Variants in NARS2 observed in about 807,000 individuals in gnomAD.
The protein encoded by NARS2 is asparaginyl-tRNA synthetase.
Under a neutral mutation model 62.9 loss-of-function variants are expected in NARS2, and 60 were observed. The ratio of observed to expected loss-of-function variants is 0.95; its 90% CI spans 0.77 to 1.18. The LOEUF (loss-of-function observed/expected upper bound fraction) is 1.18, where lower values mean the gene tolerates loss of function less well. NARS2 is among the 50% of genes most tolerant of loss of function. NARS2 has a pLI of 0.00. For missense variants in NARS2, 619 were observed against 576.4 expected (o/e 1.07, Z -0.76); for synonymous variants, 196 against 200.0 (o/e 0.98, Z 0.17).
chr11:78,513,186 G>A (rs1262865361), intron 6 of NARS2, among the ~76,000 whole-genome samples: 1 of 151,726 alleles, frequency 6.6e-6, no homozygotes, highest in Non-Finnish European at 1.5e-5. Context: ...GGAGGCAGAA[G>A]TTGCAGTGAG....
chr11:78,574,349 T>C lies in NARS2; in HGVS notation c.140A>G (p.Gln47Arg), dbSNP rs755035443. ...CCCACTCCCTTCCCATTCACCAACC[T>C]GGATCTTAATGCGCTCCCCACTCGC... The part of the protein sequence containing the change: ...QNASGERIKI[Q>R]GWIRSVRSQK... Residue 47 changes from glutamine to arginine, a missense_variant and splice_region_variant, in exon 1 of 14, where the codon CAG becomes CGG. By Grantham distance (43) the Gln-to-Arg change is conservative (BLOSUM62 1). Transcript: ENST00000281038. The C allele has an allele frequency of 1.2e-6, 2 of 1,614,068 alleles. No individual in the cohort carries two copies. Among genetic ancestry groups the C allele is most frequent in the South Asian group, 2.2e-5 (2 of 91,092 alleles).
intron 5 of NARS2, among the ~76,000 whole-genome samples, chr11:78,549,065 G>C (rs1855987533): frequency 6.6e-6 from 1 of 152,214 alleles, no homozygotes; most frequent in South Asian, 2.1e-4. Flanking sequence ...GCCACCTGTA[G>C]CTGAGGCTAA....
intron 13 of NARS2, among the ~76,000 whole-genome samples, chr11:78,439,036 G>GTAT (rs1442714600): frequency 6.6e-6 from 1 of 151,118 alleles, no homozygotes; most frequent in Non-Finnish European, 1.5e-5. Flanking sequence ...GGTGCAGTCT[G>GTAT]TATTTAGCTT....
intron 6 of NARS2, among the ~76,000 whole-genome samples, chr11:78,506,498 T>C (rs1860503871): frequency 2.0e-5 from 3 of 152,208 alleles, no homozygotes; most frequent in Admixed American, 1.3e-4. Context: ...GGAATCTGTC[T>C]ACCCACCTAG....
chr11:78,554,287 T>C (rs2135500800), intron 5 of NARS2, among the ~76,000 whole-genome samples: 1 of 152,302 alleles, frequency 6.6e-6, no homozygotes, highest in Admixed American at 6.5e-5. Flanking sequence ...TTTTTTCTAG[T>C]TCTGTGAGGA....
chr11:78,521,017 C>T (rs1271179782), intron 6 of NARS2, among the ~76,000 whole-genome samples: 1 of 149,586 alleles, frequency 6.7e-6, no homozygotes, highest in East Asian at 2.0e-4. Flanking sequence ...GAGGTCAGTG[C>T]CACTGCACTC....
intron 6 of NARS2, among the ~76,000 whole-genome samples, chr11:78,522,134 T>C (rs1284250242): frequency 6.6e-6 from 1 of 151,100 alleles, no homozygotes; most frequent in African/African-American, 2.5e-5. Flanking sequence ...TTTTTTTTTT[T>C]TTTTGGTAGA....
intron 7 of NARS2, among the ~76,000 whole-genome samples, chr11:78,486,766 A>C (rs1859592920): frequency 6.6e-6 from 1 of 152,214 alleles, no homozygotes; most frequent in Non-Finnish European, 1.5e-5. Context: ...ATGAGAAAAA[A>C]TAACCAACAG....
At chr11:78,488,230 C>G (rs992013748) in intron 7 of NARS2, among the ~76,000 whole-genome samples, 1 of 118,636 alleles carries the variant, frequency 8.4e-6, no homozygotes, top group African/African-American at 4.6e-5. Flanking sequence ...GTTAGCCTAC[C>G]TGGTAAAAAA....
At chr11:78,438,851 AAGGT>A (rs1857490809) in intron 13 of NARS2, among the ~76,000 whole-genome samples, 2 of 152,212 alleles carry the variant, frequency 1.3e-5, no homozygotes, top group Non-Finnish European at 2.9e-5. Context: ...GAAGATGTCT[AAGGT>A]CTCTTTTACC....
chr11:78,458,106 G>A (rs1858239276), intron 11 of NARS2, among the ~76,000 whole-genome samples: 1 of 152,070 alleles, frequency 6.6e-6, no homozygotes, highest in Non-Finnish European at 1.5e-5. Flanking sequence ...TTTCAAAAAG[G>A]TGGATGAGAG....
chr11:78,443,464 T>C (rs1857643598), intron 12 of NARS2, among the ~76,000 whole-genome samples, 197 bp downstream of exon 12: 1 of 152,208 alleles, frequency 6.6e-6, no homozygotes, highest in South Asian at 2.1e-4. Context: ...TGTGGGTTTT[T>C]CATGTAAGAG....
At chr11:78,565,832 T>C (rs930137195) in intron 4 of NARS2, among the ~76,000 whole-genome samples, 1 of 152,158 alleles carries the variant, frequency 6.6e-6, no homozygotes, top group Non-Finnish European at 1.5e-5. Flanking sequence ...GAATAAATAG[T>C]ACTAGACTGA....
intron 13 of NARS2, among the ~76,000 whole-genome samples, chr11:78,440,367 C>A (rs1565199710): frequency 6.8e-6 from 1 of 147,476 alleles, no homozygotes; most frequent in Admixed American, 6.7e-5. Context: ...CCCGGCCGAG[C>A]CAAGCATTTT....
intron 11 of NARS2, among the ~76,000 whole-genome samples, chr11:78,465,664 AACT>A (rs1409829760): frequency 1.3e-5 from 2 of 152,258 alleles, no homozygotes; most frequent in Non-Finnish European, 2.9e-5. Context: ...GCACCTGCTA[AACT>A]AAGAAGAAGA....
chr11:78,475,580 CTTTTTTTTTTTT>C (rs377023107), intron 9 of NARS2, among the ~76,000 whole-genome samples: 25,139 of 95,022 alleles, frequency 0.26, 2,465 homozygotes, highest in East Asian at 0.51. Flanking sequence ...TATCATTTGA[CTTTTTTTTTTTT>C]TTTTTTTTTT....
chr11:78,464,256 G>A (rs992856492), intron 11 of NARS2, among the ~76,000 whole-genome samples: 2 of 152,156 alleles, frequency 1.3e-5, no homozygotes, highest in Non-Finnish European at 2.9e-5. Context: ...CGCGGTGAGT[G>A]TTACAGCTCA....
At chr11:78,567,221 T>C (rs910775563) in intron 3 of NARS2, among the ~76,000 whole-genome samples, 1 of 152,144 alleles carries the variant, frequency 6.6e-6, no homozygotes, top group Non-Finnish European at 1.5e-5. Flanking sequence ...AGACCCCCAG[T>C]GGACGCCTAA....
intron 6 of NARS2, among the ~76,000 whole-genome samples, chr11:78,506,444 T>C (rs1440980044): frequency 6.6e-6 from 1 of 152,192 alleles, no homozygotes; most frequent in Non-Finnish European, 1.5e-5. Flanking sequence ...AAACGACAGA[T>C]GGATTGACAG....
Sources: gnomAD v4.1 joint callset for allele counts (sites outside exome capture counted in the v4.1 genomes callset) on GRCh38, gnomAD v4.1.1 for gene constraint, MANE v1.5 for transcripts, NCBI Gene and HGNC (gene_info 2026-07-23, HGNC 2026-07-21) for gene names.